The following XKR4 variants were observed in gnomAD, a reference collection of about 807,000 sequenced individuals.
XKR4 encodes the protein XK related 4, also known as XK-related protein 4.
XKR4 carries 12 observed loss-of-function variants against 53.9 expected under a neutral mutation model. That is an observed-to-expected ratio of 0.22 (90% confidence interval 0.14 to 0.36). The LOEUF (loss-of-function observed/expected upper bound fraction) is 0.36. Among genes scored for constraint, XKR4 ranks in the 10% least tolerant of loss-of-function variants. The pLI is 1.00. For missense variants in XKR4, 799 were observed against 859.5 expected (o/e 0.93, Z 0.88); for synonymous variants, 354 against 362.4 (o/e 0.98, Z 0.26).
chr8:55,419,926 G>T (rs1283001829), intron 2 of XKR4, among the ~76,000 whole-genome samples: 1 of 152,158 alleles, frequency 6.6e-6, no homozygotes, highest in Non-Finnish European at 1.5e-5. Flanking sequence ...AAACAACAAT[G>T]ATGACAGCTG....
Position 55,190,548 on chromosome 8 carries a change from T to C in XKR4, c.806+87254T>C, listed in dbSNP as rs560269537. Among the ~76,000 whole-genome samples, 14 of 152,330 alleles carry C rather than the reference T, an allele frequency of 9.2e-5. No individual in the cohort carries two copies. The South Asian group carries it at 2.7e-3, about 29-fold the overall frequency. The stretch of plus-strand genomic sequence containing the variant: ...GTAGGGAATCAGACTGCCTGAGAGA[T>C]GGTCCTCTGAATTTCTATGTTTAAG... On this transcript the variant is annotated intron_variant, in intron 1 of 2. Transcript: ENST00000327381.
chr8:55,492,819 T>G (rs1409877674), intron 2 of XKR4, among the ~76,000 whole-genome samples: 4 of 152,236 alleles, frequency 2.6e-5, no homozygotes, highest in Non-Finnish European at 5.9e-5. Flanking sequence ...TTACAGATGA[T>G]GTATTGCTAT....
intron 1 of XKR4, among the ~76,000 whole-genome samples, chr8:55,321,857 C>T (rs1803221296): frequency 6.6e-6 from 1 of 152,122 alleles, no homozygotes; most frequent in Non-Finnish European, 1.5e-5. Flanking sequence ...GGCGTGGTGG[C>T]ACGCGCCTGT....
chr8:55,222,371 A>G (rs2129365555), intron 1 of XKR4, among the ~76,000 whole-genome samples: 1 of 152,220 alleles, frequency 6.6e-6, no homozygotes, highest in South Asian at 2.1e-4. Context: ...TGATTTTTAA[A>G]CTCCTGAATA....
chr8:55,384,636 T>C (rs962367514), intron 2 of XKR4, among the ~76,000 whole-genome samples: 2 of 152,230 alleles, frequency 1.3e-5, no homozygotes, highest in Non-Finnish European at 2.9e-5. Flanking sequence ...TTATTCTGAC[T>C]GGGGGAGAAG....
intron 1 of XKR4, among the ~76,000 whole-genome samples, chr8:55,139,502 G>T (rs112741672): frequency 1.6e-5 from 1 of 64,230 alleles, no homozygotes; most frequent in African/African-American, 7.9e-5. Flanking sequence ...GACAGAGCAA[G>T]ACTCCGTCTC....
intron 1 of XKR4, among the ~76,000 whole-genome samples, chr8:55,107,780 C>T (rs1201090826): frequency 6.6e-6 from 1 of 152,078 alleles, no homozygotes; most frequent in African/African-American, 2.4e-5. Flanking sequence ...TGAGTTAGTC[C>T]TGAATTCTGA....
At chr8:55,240,370 T>C (rs16921482) in intron 1 of XKR4, among the ~76,000 whole-genome samples, 37,383 of 152,122 alleles carry the variant, frequency 0.25, 5,058 homozygotes, top group East Asian at 0.49. Flanking sequence ...ATATAGTCCA[T>C]GTGTTTTTAA....
intron 1 of XKR4, among the ~76,000 whole-genome samples, chr8:55,189,191 T>C (rs189032613): frequency 2.1e-4 from 32 of 152,298 alleles, no homozygotes; most frequent in African/African-American, 6.7e-4. Flanking sequence ...CCATTTTTTT[T>C]CCTGAGGATA....
intron 2 of XKR4, among the ~76,000 whole-genome samples, chr8:55,409,565 G>GTTTT (rs11381160): frequency 2.0e-5 from 3 of 149,224 alleles, no homozygotes; most frequent in East Asian, 2.0e-4. Context: ...ACATGAAACA[G>GTTTT]TTTTTTTTTT....
chr8:55,111,618 A>G (rs1816232560), intron 1 of XKR4, among the ~76,000 whole-genome samples: 1 of 152,190 alleles, frequency 6.6e-6, no homozygotes, highest in South Asian at 2.1e-4. Flanking sequence ...TTTTCATTAA[A>G]AACACATATC....
chr8:55,152,014 T>C (rs954591214), intron 1 of XKR4, among the ~76,000 whole-genome samples: 4 of 152,184 alleles, frequency 2.6e-5, no homozygotes, highest in Non-Finnish European at 4.4e-5. Context: ...AATATGAGGA[T>C]TTTTAAGGCT....
At chr8:55,207,264 C>A (rs551372090) in intron 1 of XKR4, among the ~76,000 whole-genome samples, 2 of 152,270 alleles carry the variant, frequency 1.3e-5, no homozygotes, top group East Asian at 3.9e-4. Context: ...AGTGGCTGAC[C>A]GGTGACCTGC....
At chr8:55,173,821 G>A (rs1260720578) in intron 1 of XKR4, among the ~76,000 whole-genome samples, 1 of 152,102 alleles carries the variant, frequency 6.6e-6, no homozygotes, top group East Asian at 1.9e-4. Flanking sequence ...TGGGCACAAG[G>A]GAAGGTTATG....
At chr8:55,446,427 C>A (rs1490985684) in intron 2 of XKR4, among the ~76,000 whole-genome samples, 2 of 152,122 alleles carry the variant, frequency 1.3e-5, no homozygotes, top group Non-Finnish European at 2.9e-5. Flanking sequence ...CTGCAACCTC[C>A]ATCTCCAGGG....
intron 2 of XKR4, among the ~76,000 whole-genome samples, chr8:55,364,443 C>G (rs1344509918): frequency 2.0e-5 from 3 of 152,162 alleles, no homozygotes; most frequent in Non-Finnish European, 4.4e-5. Flanking sequence ...AGCGTGTTCT[C>G]CCCGATGCCC....
At chr8:55,496,045 T>C (rs16921889) in intron 2 of XKR4, among the ~76,000 whole-genome samples, 8,048 of 152,290 alleles carry the variant, frequency 0.053, 605 homozygotes, top group East Asian at 0.28. Context: ...AATTCAGTCA[T>C]TCAGTCAAAG....
chr8:55,148,648 G>A (rs1302301799), intron 1 of XKR4, among the ~76,000 whole-genome samples: 2 of 152,060 alleles, frequency 1.3e-5, no homozygotes, highest in South Asian at 2.1e-4. Context: ...TATTTTATCC[G>A]ATTTAATTAC....
chr8:55,530,517 C>T lies in XKR4; in HGVS notation c.*6290C>T, dbSNP rs1026072092. On this transcript the variant is annotated 3_prime_UTR_variant, in exon 3 of 3. Coordinates refer to ENST00000327381, the MANE Select transcript of XKR4 (RefSeq NM_052898.2). ...GTCTGCAAGATGACAGAGTTGTAAC[C>T]CATTCAATGATATTGTTGCCTAGTA... 1 of 152,092 alleles carries T rather than the reference C, an allele frequency of 6.6e-6. No homozygotes were observed. Among genetic ancestry groups the T allele is most frequent in the African/African-American group, 2.4e-5 (1 of 41,414 alleles). 9.4% of individuals were successfully genotyped at this position (152,092 alleles called of 1,614,324 possible). A position where few individuals can be genotyped will look rare whatever the true frequency, so the allele number is the denominator to read the frequency against.
Sources: allele counts gnomAD v4.1 joint callset (sites outside exome capture counted in the v4.1 genomes callset), GRCh38; gene constraint gnomAD v4.1.1; transcripts MANE v1.5; gene names NCBI Gene and HGNC (gene_info 2026-07-23, HGNC 2026-07-21).